Variants in KLF12 observed in about 807,000 individuals in gnomAD.
The protein encoded by KLF12 is KLF transcription factor 12, also known as Krueppel-like factor 12.
KLF12 carries 9 observed loss-of-function variants against 37.8 expected under a neutral mutation model. The observed-to-expected ratio is 0.24, with a 90% CI of 0.14 to 0.42. The LOEUF (loss-of-function observed/expected upper bound fraction) is 0.42. Among genes scored for constraint, KLF12 ranks in the 10% least tolerant of loss-of-function variants. The probability of loss-of-function intolerance (pLI) is 1.00; values close to 1 mark genes in which losing one functional copy is unlikely to be tolerated. For synonymous variants in KLF12, 208 were observed against 202.1 expected, an observed-to-expected ratio of 1.03 and a Z score of -0.25; for missense variants, 411 against 516.0, an observed-to-expected ratio of 0.80 and a Z score of 1.97.
chr13:73,939,374 A>AT (rs1890089626), intron 3 of KLF12, among the ~76,000 whole-genome samples: 1 of 152,110 alleles, frequency 6.6e-6, no homozygotes, highest in Non-Finnish European at 1.5e-5. Flanking sequence ...AACTATTTTC[A>AT]TTTTTTTGGT....
At position 73,915,689 on chromosome 13, in the gene KLF12, A is replaced by ATT. The variant is rs140697314; in HGVS notation, c.123+28290_123+28291dup. Among the ~76,000 whole-genome samples the ATT allele has an allele frequency of 3.5e-3, 347 of 99,122 alleles. 4 individuals carry two copies. Among genetic ancestry groups the ATT allele is most frequent in the African/African-American group, 0.011 (279 of 25,334 alleles). 65.0% of individuals were successfully genotyped at this position (99,122 alleles called of 152,430 possible). Reference sequence around the variant, plus strand: ...CACCACGCCCAGCTAATTTTTTTGTATTTTTTTTTTTTTTTTTTTTTTTTA... The same window carrying ATT: ...CACCACGCCCAGCTAATTTTTTTGTATTTTTTTTTTTTTTTTTTTTTTTTTTA... On this transcript the variant is annotated intron_variant, in intron 3 of 7. Coordinates refer to ENST00000377669, the MANE Select transcript of KLF12 (RefSeq NM_007249.5).
the KLF12 span, among the ~76,000 whole-genome samples, chr13:74,244,944 G>A: frequency 5.7e-3 from 862 of 152,260 alleles, 14 homozygotes; most frequent in Non-Finnish European, 6.6e-3. Flanking sequence ...ACAAACATAT[G>A]ACTAAATGAT....
chr13:74,127,306 C>T (rs1466694626), intron 1 of KLF12, among the ~76,000 whole-genome samples: 2 of 152,092 alleles, frequency 1.3e-5, no homozygotes. Context: ...TAAAGTGAAT[C>T]GAGGAATGGT....
intron 4 of KLF12, among the ~76,000 whole-genome samples, chr13:73,822,793 G>T (rs919363294): frequency 6.6e-6 from 1 of 152,080 alleles, no homozygotes; most frequent in Admixed American, 6.5e-5. Context: ...TAATAAGTAG[G>T]TTTTTCCACT....
chr13:73,801,646 A>AT (rs1457167365), intron 5 of KLF12: 1 of 152,134 alleles, frequency 6.6e-6, no homozygotes, highest in Non-Finnish European at 1.5e-5. Flanking sequence ...CTACAGGAAG[A>AT]TATCACGTGG....
chr13:73,770,809 C>A (rs1450475724), intron 5 of KLF12, among the ~76,000 whole-genome samples: 1 of 152,150 alleles, frequency 6.6e-6, no homozygotes, highest in African/African-American at 2.4e-5. Flanking sequence ...AGGCGTGAAC[C>A]ACCATGCCCA....
intron 2 of KLF12, among the ~76,000 whole-genome samples, chr13:73,956,345 C>A (rs1328078228): frequency 6.6e-6 from 1 of 152,100 alleles, no homozygotes; most frequent in Non-Finnish European, 1.5e-5. Flanking sequence ...TTGAGGAAGT[C>A]CATTGTTGTA....
Position 73,995,051 on chromosome 13 carries a change from A to C in KLF12, c.-29T>G. 6.3e-7 allele frequency: 1 copy of C among 1,595,642 alleles called. No homozygotes were observed. Among genetic ancestry groups the C allele is most frequent in the Non-Finnish European group, 8.6e-7 (1 of 1,169,210 alleles). On this transcript the variant is annotated splice_region_variant and 5_prime_UTR_variant, in exon 2 of 8. Transcript: ENST00000377669. Reference sequence around the variant, plus strand: ...TCCATTTGTTCTTAGAGTCACATTGATCCTGCAAGAAAAACACAAAGACAA... The same window carrying C: ...TCCATTTGTTCTTAGAGTCACATTGCTCCTGCAAGAAAAACACAAAGACAA...
chr13:73,774,497 C>T, intron 5 of KLF12, among the ~76,000 whole-genome samples: 1 of 152,118 alleles, frequency 6.6e-6, no homozygotes. Flanking sequence ...GTCACTTCCT[C>T]ACCACCACAG....
intron 2 of KLF12, among the ~76,000 whole-genome samples, chr13:73,983,404 C>A (rs1051854832): frequency 1.3e-5 from 2 of 152,170 alleles, no homozygotes; most frequent in African/African-American, 4.8e-5. Flanking sequence ...AGTATCAGTG[C>A]CTTCTGGTTC....
At chr13:73,731,203 C>T (rs1031075987) in intron 6 of KLF12, among the ~76,000 whole-genome samples, 1 of 152,016 alleles carries the variant, frequency 6.6e-6, no homozygotes, top group Non-Finnish European at 1.5e-5. Flanking sequence ...CGAATGGTGT[C>T]CCCAGCAGCT....
chr13:73,932,913 T>G (rs1296564542), intron 3 of KLF12, among the ~76,000 whole-genome samples: 2 of 152,162 alleles, frequency 1.3e-5, no homozygotes, highest in Non-Finnish European at 2.9e-5. Flanking sequence ...GAATTATGTC[T>G]GGTATCAGAT....
intron 3 of KLF12, among the ~76,000 whole-genome samples, chr13:73,873,496 TTAGA>T (rs1195273603): frequency 6.6e-6 from 1 of 152,188 alleles, no homozygotes; most frequent in Non-Finnish European, 1.5e-5. Context: ...TAAAAGCAAC[TTAGA>T]TAGTAATGCT....
At chr13:74,265,112 G>A in the KLF12 span, among the ~76,000 whole-genome samples, 4 of 152,102 alleles carry the variant, frequency 2.6e-5, no homozygotes, top group African/African-American at 7.2e-5. Context: ...TTTTACTAAG[G>A]CCTTGAGAAA....
At chr13:74,275,612 T>A in the KLF12 span, among the ~76,000 whole-genome samples, 1 of 152,122 alleles carries the variant, frequency 6.6e-6, no homozygotes, top group Non-Finnish European at 1.5e-5. Context: ...TTAAAATATA[T>A]TTAAAATGTA....
chr13:73,972,823 A>T (rs79516986), intron 2 of KLF12, among the ~76,000 whole-genome samples: 5 of 151,384 alleles, frequency 3.3e-5, no homozygotes. Context: ...AGCTGGATTT[A>T]TATCAGTACC....
In KLF12 at chr13:73,808,717, C is replaced by T. The variant is rs1882776534; in HGVS notation, c.806+4435G>A. ...GGAATGTTCACGCTATATAAATATA[C>T]TAATGTCAACAAAGTAAGGCACCAA... On this transcript the variant is annotated intron_variant, in intron 5 of 7. Transcript: ENST00000377669. Among the ~76,000 whole-genome samples, 5 of 152,262 alleles carry T rather than the reference C, an allele frequency of 3.3e-5. No individual in the cohort carries two copies. In the East Asian group the frequency reaches 7.7e-4, roughly 24 times the overall value.
the KLF12 span, among the ~76,000 whole-genome samples, chr13:74,198,417 A>G: frequency 6.6e-6 from 1 of 152,148 alleles, no homozygotes; most frequent in Non-Finnish European, 1.5e-5. Flanking sequence ...GCTCCGTTCA[A>G]TGTGGCACCT....
chr13:74,135,897 A>T (rs1459691156), upstream of KLF12, among the ~76,000 whole-genome samples: 1 of 152,218 alleles, frequency 6.6e-6, no homozygotes, highest in Non-Finnish European at 1.5e-5. Context: ...TGGGCTCCCC[A>T]TCGGTGTGGC....
Sources: gnomAD v4.1 joint callset for allele counts (sites outside exome capture counted in the v4.1 genomes callset) on GRCh38, gnomAD v4.1.1 for gene constraint, MANE v1.5 for transcripts, NCBI Gene and HGNC (gene_info 2026-07-23, HGNC 2026-07-21) for gene names.